Variants in SH3TC1 observed in about 807,000 individuals in gnomAD.
SH3TC1 encodes SH3 domain and tetratricopeptide repeat-containing protein 1.
In SH3TC1, 135 loss-of-function variants were observed where a neutral mutation model predicts 117.3. The observed-to-expected ratio is 1.15, with a 90% CI of 1.00 to 1.33. The LOEUF is 1.33. Among genes scored for constraint, SH3TC1 ranks in the 40% most tolerant of loss-of-function variants. The pLI, the probability that SH3TC1 is intolerant of heterozygous loss-of-function variation, is 0.00. For synonymous variants in SH3TC1, 898 were observed against 816.9 expected, an observed-to-expected ratio of 1.10 and a Z score of -1.69; for missense variants, 2,092 against 1,794.3, an observed-to-expected ratio of 1.17 and a Z score of -3.00.
At chr4:8,238,497 G>A (rs116710559) in intron 17 of SH3TC1, among the ~76,000 whole-genome samples, 2,666 of 152,276 alleles carry the variant, frequency 0.018, 70 homozygotes, top group African/African-American at 0.061. Context: ...GGGCCAGGGC[G>A]CTCCAGTCCA....
chr4:8,191,470 A>G (rs1278992818), intron 1 of SH3TC1, among the ~76,000 whole-genome samples: 1 of 152,190 alleles, frequency 6.6e-6, no homozygotes, highest in African/African-American at 2.4e-5. Context: ...CAGTTCCTGA[A>G]ATCATGGGGC....
intron 1 of SH3TC1, chr4:8,204,891 G>T: frequency 3.6e-6 from 1 of 277,422 alleles, no homozygotes; most frequent in Non-Finnish European, 6.7e-6. Context: ...GTTCTGCCTC[G>T]ACAGGGAAGG....
At position 8,228,601 on chromosome 4, in the gene SH3TC1, C is replaced by T. The variant is rs201824779; in HGVS notation, c.2907C>T (p.Tyr969=). 214 of 1,552,240 alleles carry T rather than the reference C, an allele frequency of 1.4e-4. No individual in the cohort carries two copies. The highest frequency in any genetic ancestry group is 1.7e-4 in the Non-Finnish European group (194 of 1,151,926). ...CGGCCCAGCAGGGCAAGGGCTACTA[C>T]GAGTGGGCCCTTCTGGTCGCCGTGG... ...QGPAQQGKGY[Y]EWALLVAVEM... Residue 969 remains tyrosine (Y), a synonymous_variant, in exon 12 of 18, where the codon TAC becomes TAT. Coordinates refer to ENST00000245105, the MANE Select transcript of SH3TC1 (RefSeq NM_018986.5).
intron 1 of SH3TC1, among the ~76,000 whole-genome samples, chr4:8,187,377 G>A (rs796479998): frequency 4.1e-4 from 62 of 151,234 alleles, no homozygotes; most frequent in African/African-American, 1.4e-3. Flanking sequence ...GTGGAAGGAC[G>A]CCACCATGCG....
intron 17 of SH3TC1, among the ~76,000 whole-genome samples, chr4:8,239,994 G>A (rs920051823): frequency 6.6e-6 from 1 of 152,230 alleles, no homozygotes; most frequent in African/African-American, 2.4e-5. Context: ...CTTTGTCCTT[G>A]GCCCTGGGAG....
rs770586634 is a variant in SH3TC1, at chr4:8,219,474, G to A, written c.1056G>A (p.Ser352=). 35 of 1,605,732 alleles carry A rather than the reference G, an allele frequency of 2.2e-5. No individual in the cohort carries two copies. Among genetic ancestry groups the A allele is most frequent in the East Asian group, 2.2e-5 (1 of 44,638 alleles). The change falls in exon 9 of 18, where the codon TCG becomes TCA. Residue 352 remains serine (S), a synonymous_variant. Transcript: ENST00000245105. ...LPWCVGRHAA[S]GRVGFVRSSL... ...GGTGCGTGGGCCGACACGCAGCCTC[G>A]GGCCGGGTGGGGTTTGTGCGGAGCA...
chr4:8,211,608 A>G (rs1243488787), intron 3 of SH3TC1, among the ~76,000 whole-genome samples: 3 of 149,108 alleles, frequency 2.0e-5, no homozygotes, highest in African/African-American at 7.5e-5. Flanking sequence ...CTGGAATGCC[A>G]CTGCCTAGAG....
In SH3TC1 at chr4:8,186,196, G is replaced by C. The variant is rs1011143139; in HGVS notation, c.-57+3986G>C. Among the ~76,000 whole-genome samples the C allele has an allele frequency of 1.3e-5, 2 of 152,186 alleles. No homozygotes were observed. The highest frequency in any genetic ancestry group is 2.9e-5 in the Non-Finnish European group (2 of 68,042). On this transcript the variant is annotated intron_variant, in intron 1 of 16. Transcript: ENST00000508641. This position sits in a 1 kb window ranked among gnomAD's most constrained non-coding sequence, Gnocchi z 5.2. ...GAGGGGCTGGGGCCAGCCTGACTCC[G>C]AACCAAGACCAGCAGCAAAATTTGC...
intron 9 of SH3TC1, among the ~76,000 whole-genome samples, chr4:8,220,829 G>T (rs978720411): frequency 6.6e-6 from 1 of 152,232 alleles, no homozygotes; most frequent in African/African-American, 2.4e-5. Context: ...GGGTCCGTCT[G>T]CTCTGGTACC....
rs190302207 is a variant in SH3TC1, at chr4:8,233,547, C to T, written c.3282+34C>T. The T allele has an allele frequency of 1.5e-5, 24 of 1,565,562 alleles. No homozygotes were observed. The Admixed American group carries it at 2.8e-4, about 18-fold the overall frequency. On this transcript the variant is annotated intron_variant, in intron 14 of 17. Coordinates refer to ENST00000245105, the MANE Select transcript of SH3TC1 (RefSeq NM_018986.5). ...TGAGGGATGCAGGAGGGCCTCTGCA[C>T]ATGTTCACTCTCCATCCATCCATCC...
At position 8,218,367 on chromosome 4, in the gene SH3TC1, T is replaced by C; in HGVS notation, c.916+20T>C. 1 of 1,590,686 alleles carries C rather than the reference T, an allele frequency of 6.3e-7. No homozygotes were observed. The highest frequency in any genetic ancestry group is 8.6e-7 in the Non-Finnish European group (1 of 1,163,106). On this transcript the variant is annotated intron_variant, in intron 8 of 17. Transcript: ENST00000245105. The stretch of plus-strand genomic sequence containing the variant: ...TGATGGGTAAGTGTTTCCATGGGCC[T>C]CTCTTTTTTGGGGAAATGTGTGTGC...
chr4:8,191,636 G>A (rs1717418403), intron 1 of SH3TC1, among the ~76,000 whole-genome samples: 1 of 152,222 alleles, frequency 6.6e-6, no homozygotes, highest in African/African-American at 2.4e-5. Flanking sequence ...CGGGGCTCCA[G>A]GCTAGCGGCT....
intron 17 of SH3TC1, among the ~76,000 whole-genome samples, chr4:8,238,278 C>G (rs1722000854): frequency 6.6e-6 from 1 of 152,134 alleles, no homozygotes; most frequent in South Asian, 2.1e-4. Flanking sequence ...TGGGGCGGGG[C>G]CCCAGACAGC....
Position 8,236,315 on chromosome 4 carries a change from G to C in SH3TC1, c.3443G>C (p.Arg1148Pro), listed in dbSNP as rs377357228. 3.2e-6 allele frequency: 5 copies of C among 1,554,872 alleles called. No individual in the cohort carries two copies. In the Admixed American group the frequency reaches 9.6e-5, roughly 30 times the overall value. Residue 1148 changes from arginine (R) to proline (P), a missense_variant, in exon 16 of 18, where the codon CGC (arginine) becomes CCC (proline). Arg to Pro is a moderately radical substitution (Grantham distance 103). Transcript: ENST00000245105. ...CCCCTGGCAGTGACTACGGGCAACC[G>C]CAAGGCGGAGCTGCGGCTGTGCAAC... ...ALPLAVTTGN[R>P]KAELRLCNKL...
At chr4:8,230,702 C>G (rs543457204) in intron 12 of SH3TC1, among the ~76,000 whole-genome samples, 2 of 148,884 alleles carry the variant, frequency 1.3e-5, no homozygotes, top group South Asian at 2.1e-4. Context: ...TTTCTTCTTT[C>G]TTTGCATGTA....
In SH3TC1 at chr4:8,192,787, C is replaced by T. The variant is rs1229023668; in HGVS notation, c.-57+10577C>T. Among the ~76,000 whole-genome samples the T allele has an allele frequency of 2.0e-5, 3 of 152,310 alleles. No homozygotes were observed. Among genetic ancestry groups the T allele is most frequent in the African/African-American group, 2.4e-5 (1 of 41,570 alleles). ...GATTACAGGCGTGAGCCACGGTGCC[C>T]GGCCCACTTGTCTTTATTTGTTGCC... On this transcript the variant is annotated intron_variant, in intron 1 of 16. Coordinates refer to the SH3TC1 transcript ENST00000508641. The surrounding 1 kb of genome is among the most constrained non-coding windows in gnomAD (Gnocchi z 4.1).
At chr4:8,200,446 G>A (rs767321617) in intron 1 of SH3TC1, among the ~76,000 whole-genome samples, 3 of 152,244 alleles carry the variant, frequency 2.0e-5, no homozygotes, top group Non-Finnish European at 2.9e-5. Flanking sequence ...CCCTCCTCCA[G>A]GTGAGCCGAG....
intron 10 of SH3TC1, among the ~76,000 whole-genome samples, chr4:8,224,060 C>G (rs1423846984): frequency 6.6e-6 from 1 of 152,160 alleles, no homozygotes; most frequent in African/African-American, 2.4e-5. Flanking sequence ...CACACACACC[C>G]ACCCATGCAG....
intron 15 of SH3TC1, 198 bp from the exon 16 acceptor site, chr4:8,236,080 T>C (rs1721786453): frequency 3.1e-6 from 2 of 644,032 alleles, no homozygotes; most frequent in Non-Finnish European, 5.0e-6. Context: ...CTGCCGGGTG[T>C]AGCTGGATGG....
Sources: gnomAD v4.1 joint callset for allele counts (sites outside exome capture counted in the v4.1 genomes callset) on GRCh38, gnomAD v4.1.1 for gene constraint, Gnocchi (gnomAD v3.1) non-coding constraint, MANE v1.5 for transcripts, NCBI Gene and HGNC (gene_info 2026-07-23, HGNC 2026-07-21) for gene names.